LAMA1: variants seen among roughly 807,000 people sequenced by gnomAD.
LAMA1 encodes laminin subunit alpha-1.
LAMA1 carries 219 observed loss-of-function variants against 348.7 expected under a neutral mutation model. That is an observed-to-expected ratio of 0.63 (90% CI 0.56 to 0.70). The LOEUF is 0.70. Among genes scored for constraint, LAMA1 ranks in the 30% least tolerant of loss-of-function variants. LAMA1 has a pLI of 0.00. For missense variants in LAMA1, 3,744 were observed against 3,888.0 expected (o/e 0.96, Z 0.99); for synonymous variants, 1,487 against 1,491.0 (o/e 1.00, Z 0.06).
intron 19 of LAMA1, among the ~76,000 whole-genome samples, chr18:7,020,542 G>A (rs1229686478): frequency 6.6e-6 from 1 of 152,162 alleles, no homozygotes; most frequent in Admixed American, 6.5e-5. Context: ...ACAGTTCACA[G>A]GACTTTGTCT....
chr18:6,984,541 G>A (rs1436302913), intron 39 of LAMA1, among the ~76,000 whole-genome samples: 1 of 152,274 alleles, frequency 6.6e-6, no homozygotes, highest in Admixed American at 6.5e-5. Flanking sequence ...ACAATCTTTG[G>A]GGGGAAGGCA....
At chr18:7,076,423 A>T (rs543980648) in intron 3 of LAMA1, among the ~76,000 whole-genome samples, 11 of 152,268 alleles carry the variant, frequency 7.2e-5, no homozygotes, top group Middle Eastern at 3.4e-3. Flanking sequence ...CTGGAATCTA[A>T]TCAGGTCTCT....
intron 1 of LAMA1, among the ~76,000 whole-genome samples, chr18:7,110,203 A>G (rs1168229152): frequency 6.6e-6 from 1 of 152,032 alleles, no homozygotes; most frequent in Non-Finnish European, 1.5e-5. Flanking sequence ...CAAAAAAAAA[A>G]AAGCGGCTAG....
At chr18:6,950,759 C>T in intron 58 of LAMA1, 23 bp downstream of exon 58, 1 of 1,613,300 alleles carries the variant, frequency 6.2e-7, no homozygotes, top group Non-Finnish European at 8.5e-7. Context: ...GAAGCAGCCA[C>T]CACAAGCCTC....
At chr18:7,079,937 G>T in intron 3 of LAMA1, 38 bp downstream of exon 3, 1 of 1,414,090 alleles carries the variant, frequency 7.1e-7, no homozygotes, top group Non-Finnish European at 1.0e-6. Context: ...CAGCTCAGCA[G>T]CCTGTAGACA....
rs2144167523 is a variant in LAMA1 at position 7,034,686 on chromosome 18, T to C, written c.1844A>G (p.Asn615Ser). 7 of 1,612,268 alleles carry C rather than the reference T, an allele frequency of 4.3e-6. No individual in the cohort carries two copies. Among genetic ancestry groups the C allele is most frequent in the Non-Finnish European group, 5.9e-6 (7 of 1,178,338 alleles). The change falls in exon 14 of 63, where the codon AAC becomes AGC. Residue 615 changes from asparagine (N) to serine (S), a missense_variant. This residue lies in a region of LAMA1 where 1,529 missense variants were observed against 1,689.4 expected (regional missense o/e 0.91). Transcript: ENST00000389658. ...MSHADVIIKG[N>S]GLTLSTQAEG... Reference sequence around the variant, plus strand: ...AGCCTGTGTGCTTAAAGTGAGTCCGTTTCCCTAACATTTAAAAACAAGAGA... The same window carrying C: ...AGCCTGTGTGCTTAAAGTGAGTCCGCTTCCCTAACATTTAAAAACAAGAGA...
intron 34 of LAMA1, among the ~76,000 whole-genome samples, chr18:6,994,499 T>G (rs1410502003): frequency 6.6e-6 from 1 of 152,156 alleles, no homozygotes; most frequent in Non-Finnish European, 1.5e-5. Context: ...CAACCAAATG[T>G]TTGCTTGATG....
chr18:7,032,243 G>A, intron 15 of LAMA1, 67 bp from the exon 16 acceptor site: 1 of 976,586 alleles, frequency 1.0e-6, no homozygotes, highest in South Asian at 1.3e-5. Flanking sequence ...AGTTGCCAGA[G>A]TACAGAAATG....
At chr18:6,997,921 A>C (rs1451571368) in intron 32 of LAMA1, 37 bp from the exon 33 acceptor site, 4 of 1,603,404 alleles carry the variant, frequency 2.5e-6, no homozygotes, top group Non-Finnish European at 8.5e-7. Context: ...AGTTAAAGTT[A>C]ATGCGATGTG....
chr18:7,038,787 G>T (rs764610000), intron 11 of LAMA1, 23 bp downstream of exon 11: 169 of 1,613,630 alleles, frequency 1.0e-4, no homozygotes, highest in Non-Finnish European at 1.4e-4. Flanking sequence ...ATTAAATCCC[G>T]CCGCGCAGAT....
intron 48 of LAMA1, among the ~76,000 whole-genome samples, chr18:6,967,745 C>T (rs2057640007): frequency 6.6e-6 from 1 of 152,180 alleles, no homozygotes; most frequent in South Asian, 2.1e-4. Flanking sequence ...TCAAACAAAA[C>T]TCCAGAAATT....
At chr18:6,993,583 A>G (rs1329640345) in intron 35 of LAMA1, 58 bp downstream of exon 35, 1 of 1,185,326 alleles carries the variant, frequency 8.4e-7, no homozygotes, top group Non-Finnish European at 1.3e-6. Flanking sequence ...TAATAAAGCA[A>G]TGGTGACTTC....
Position 7,023,431 on chromosome 18 carries a change from G to A in LAMA1, c.2490-56C>T, listed in dbSNP as rs561788199. On this transcript the variant is annotated intron_variant, in intron 18 of 62. Coordinates refer to ENST00000389658, the MANE Select transcript of LAMA1 (RefSeq NM_005559.4). ...AAATGCAGTTACTTAAGGCCTTACCGCACTATCCAGGGACTCCCTGAATGG... is the reference window on the plus strand; with the variant it reads ...AAATGCAGTTACTTAAGGCCTTACCACACTATCCAGGGACTCCCTGAATGG... The A allele has an allele frequency of 2.6e-5, 37 of 1,414,018 alleles. No homozygotes were observed. The South Asian group carries it at 2.8e-4, about 11-fold the overall frequency. The allele number at this position is 1,414,018 out of a possible 1,614,324, so 87.6% of individuals were successfully genotyped here.
intron 1 of LAMA1, among the ~76,000 whole-genome samples, chr18:7,116,928 G>GTGC (rs902466136): frequency 1.3e-5 from 2 of 152,084 alleles, no homozygotes; most frequent in African/African-American, 4.8e-5. Flanking sequence ...CGCATGCAAG[G>GTGC]TGCTCCCTTC....
Position 6,958,576 on chromosome 18 carries a change from T to C in LAMA1, c.7865A>G (p.Asn2622Ser), listed in dbSNP as rs1339202914. 1.2e-6 allele frequency: 2 copies of C among 1,614,092 alleles called. No individual in the cohort carries two copies. Reference protein sequence around the residue: ...LVESRTINVSNLYVGGIPEGE... With the variant: ...LVESRTINVSSLYVGGIPEGE... ...CTCTGGAATTCCCCCGACGTACAGATTGGACACATTTATCGTCCTGCTTTC... is the reference window on the plus strand; with the variant it reads ...CTCTGGAATTCCCCCGACGTACAGACTGGACACATTTATCGTCCTGCTTTC... Residue 2622 changes from asparagine (N) to serine (S), a missense_variant, in exon 55 of 63, where the codon AAT becomes AGT. By Grantham distance (46) the Asn-to-Ser change is conservative. Around this residue, in one of 3 missense-constraint regions of LAMA1, gnomAD observed 1,983 missense variants for 1,934.3 expected, o/e 1.03. Transcript: ENST00000389658.
intron 5 of LAMA1, among the ~76,000 whole-genome samples, chr18:7,048,303 A>C (rs1241249274): frequency 3.9e-5 from 6 of 152,246 alleles, no homozygotes. Context: ...ATACACGCAC[A>C]CAGGAACAGC....
At chr18:6,981,779 CTG>C (rs1172547317) in intron 41 of LAMA1, among the ~76,000 whole-genome samples, 2 of 152,196 alleles carry the variant, frequency 1.3e-5, no homozygotes, top group Non-Finnish European at 2.9e-5. Flanking sequence ...AGGGTATGAG[CTG>C]TGTGCCTGGC....
At chr18:6,995,163 G>A (rs2057775529) in intron 34 of LAMA1, among the ~76,000 whole-genome samples, 194 bp downstream of exon 34, 8 of 152,174 alleles carry the variant, frequency 5.3e-5, no homozygotes, top group Admixed American at 5.2e-4. Flanking sequence ...TAAGTCGGGA[G>A]CCTTTTCCCA....
chr18:7,013,195 G>A (rs970962537), intron 23 of LAMA1, among the ~76,000 whole-genome samples: 1 of 151,924 alleles, frequency 6.6e-6, no homozygotes, highest in Non-Finnish European at 1.5e-5. Context: ...CGGGGAGACT[G>A]ATGCTTCCAT....
Sources: allele counts gnomAD v4.1 joint callset (sites outside exome capture counted in the v4.1 genomes callset), GRCh38; gene constraint gnomAD v4.1.1; regional missense constraint gnomAD v4.1.1; transcripts MANE v1.5; gene names NCBI Gene and HGNC (gene_info 2026-07-23, HGNC 2026-07-21).